BCL2L1: variants seen among roughly 807,000 people sequenced by gnomAD.
BCL2L1 encodes bcl-2-like protein 1.
In BCL2L1, 1 loss-of-function variant was observed where a neutral mutation model predicts 18.7. The observed-to-expected ratio is 0.05, with a 90% CI of 0.02 to 0.25. The LOEUF (loss-of-function observed/expected upper bound fraction) is 0.25. BCL2L1 is among the 10% of genes least tolerant of loss of function. The pLI, the probability that BCL2L1 is intolerant of heterozygous loss-of-function variation, is 1.00. For missense variants in BCL2L1, 207 were observed against 304.9 expected, an observed-to-expected ratio of 0.68 and a Z score of 2.39; for synonymous variants, 103 against 122.7, an observed-to-expected ratio of 0.84 and a Z score of 1.06.
rs535149639 is a variant in BCL2L1, at chr20:31,667,020, T to A, written c.565-934A>T. Among the ~76,000 whole-genome samples the A allele has an allele frequency of 3.3e-5, 5 of 152,262 alleles. No homozygotes were observed. The South Asian group carries it at 6.2e-4, about 19-fold the overall frequency. On this transcript the variant is annotated intron_variant, in intron 2 of 2. Transcript: ENST00000307677. ...TTTGTCCTTTAATCCTCCCAACAATTCTGCAATGCAGGCTGTCTCTCCCCA... is the reference window on the plus strand; with the variant it reads ...TTTGTCCTTTAATCCTCCCAACAATACTGCAATGCAGGCTGTCTCTCCCCA...
At chr20:31,684,283 G>A (rs2060918735) in intron 2 of BCL2L1, among the ~76,000 whole-genome samples, 1 of 152,224 alleles carries the variant, frequency 6.6e-6, no homozygotes, top group South Asian at 2.1e-4. Flanking sequence ...TTTTCCTGAA[G>A]AGAACAAAGG....
chr20:31,720,264 G>T, intron 2 of BCL2L1: 1 of 646,982 alleles, frequency 1.5e-6, no homozygotes, highest in Non-Finnish European at 1.9e-6. Flanking sequence ...GAGGTCTCTT[G>T]CTCAGTGGTA....
chr20:31,718,410 T>C (rs200852202), intron 2 of BCL2L1, among the ~76,000 whole-genome samples: 1 of 152,034 alleles, frequency 6.6e-6, no homozygotes, highest in Non-Finnish European at 1.5e-5. Context: ...AATCCCAGCA[T>C]TTTGGGAGGC....
At chr20:31,693,682 C>T (rs2061121203) in intron 2 of BCL2L1, among the ~76,000 whole-genome samples, 1 of 152,132 alleles carries the variant, frequency 6.6e-6, no homozygotes. Context: ...AGGCGTGCAC[C>T]ACCACGCCCA....
At chr20:31,709,411 G>A (rs535570817) in intron 2 of BCL2L1, among the ~76,000 whole-genome samples, 1 of 152,116 alleles carries the variant, frequency 6.6e-6, no homozygotes, top group East Asian at 2.0e-4. Flanking sequence ...GCCCAAGCTG[G>A]AGTGCAATGG....
intron 2 of BCL2L1, among the ~76,000 whole-genome samples, chr20:31,714,406 T>C (rs1023804977): frequency 8.5e-5 from 13 of 152,158 alleles, no homozygotes; most frequent in African/African-American, 3.1e-4. Flanking sequence ...AAGGGCCTGC[T>C]CTGAGATGTG....
At chr20:31,721,177 T>C (rs1394748836) in intron 2 of BCL2L1, among the ~76,000 whole-genome samples, 1 of 152,058 alleles carries the variant, frequency 6.6e-6, no homozygotes, top group Non-Finnish European at 1.5e-5. Flanking sequence ...TAAAGGGAAC[T>C]TGATTTGGGG....
chr20:31,673,391 A>G (rs1486278277), intron 2 of BCL2L1, among the ~76,000 whole-genome samples: 1 of 151,820 alleles, frequency 6.6e-6, no homozygotes, highest in Non-Finnish European at 1.5e-5. Context: ...GTTAACAGTA[A>G]TAAAATACTT....
chr20:31,691,984 G>A (rs942556458), intron 2 of BCL2L1, among the ~76,000 whole-genome samples: 2 of 152,216 alleles, frequency 1.3e-5, no homozygotes, highest in African/African-American at 4.8e-5. Flanking sequence ...AAAACAATCT[G>A]CCATTACCTT....
chr20:31,712,767 C>G (rs774820025), intron 2 of BCL2L1, among the ~76,000 whole-genome samples: 1 of 151,960 alleles, frequency 6.6e-6, no homozygotes, highest in African/African-American at 2.4e-5. Flanking sequence ...AACAAAGGCA[C>G]GTGTGTATGT....
chr20:31,669,880 G>A (rs971419211), intron 2 of BCL2L1, among the ~76,000 whole-genome samples: 24 of 152,144 alleles, frequency 1.6e-4, no homozygotes, highest in Admixed American at 1.1e-3. Context: ...TCAGGCATTG[G>A]TATCCCATTT....
intron 2 of BCL2L1, among the ~76,000 whole-genome samples, chr20:31,697,513 C>T (rs977653730): frequency 1.3e-5 from 2 of 151,928 alleles, no homozygotes; most frequent in African/African-American, 4.8e-5. Context: ...TCTTGACTCA[C>T]TGCAACCTCC....
At chr20:31,666,345 T>G (rs547236973) in intron 2 of BCL2L1, among the ~76,000 whole-genome samples, 1 of 152,210 alleles carries the variant, frequency 6.6e-6, no homozygotes, top group African/African-American at 2.4e-5. Context: ...AAGTAGCACT[T>G]ACTCCAGAAT....
intron 2 of BCL2L1, among the ~76,000 whole-genome samples, chr20:31,687,601 C>T (rs1236162016): frequency 6.7e-6 from 1 of 149,236 alleles, no homozygotes; most frequent in Non-Finnish European, 1.5e-5. Flanking sequence ...CGCTTGAACC[C>T]GGGAGTCGGA....
chr20:31,723,667 G>T (rs941266813), upstream of BCL2L1: 4 of 985,456 alleles, frequency 4.1e-6, no homozygotes, highest in African/African-American at 7.0e-5. Flanking sequence ...AGCCGGCACG[G>T]AAGCGGGACG....
At chr20:31,695,894 C>A (rs564176644) in intron 2 of BCL2L1, among the ~76,000 whole-genome samples, 1 of 152,324 alleles carries the variant, frequency 6.6e-6, no homozygotes, top group Admixed American at 6.5e-5. Flanking sequence ...TTTCCCATCC[C>A]TAATCCCTTT....
chr20:31,687,380 G>A lies in BCL2L1; in HGVS notation c.565-21294C>T, dbSNP rs983148014. On this transcript the variant is annotated intron_variant, in intron 2 of 2. Transcript: ENST00000307677. ...ACGGAGAAAATTCTCGGTCGGGCGC[G>A]GTGGCTCACGCCTGTAATCCCAGCA... 6.6e-5 allele frequency among the ~76,000 whole-genome samples: 10 copies of A among 152,004 alleles called. No individual in the cohort carries two copies. In the South Asian group the frequency reaches 8.3e-4, roughly 13 times the overall value.
intron 2 of BCL2L1, among the ~76,000 whole-genome samples, chr20:31,714,650 C>T (rs2061500893): frequency 6.6e-6 from 1 of 152,066 alleles, no homozygotes; most frequent in Non-Finnish European, 1.5e-5. Context: ...TAGGTAGACA[C>T]GGATGAGTTG....
intron 2 of BCL2L1, among the ~76,000 whole-genome samples, chr20:31,679,649 C>T (rs1489112068): frequency 6.6e-6 from 1 of 152,160 alleles, no homozygotes; most frequent in African/African-American, 2.4e-5. Flanking sequence ...GCTGCTGCTG[C>T]TGTTGTTATT....
Sources: allele counts gnomAD v4.1 joint callset (sites outside exome capture counted in the v4.1 genomes callset), GRCh38; gene constraint gnomAD v4.1.1; transcripts MANE v1.5; gene names NCBI Gene and HGNC (gene_info 2026-07-23, HGNC 2026-07-21).